Variants in CAPN7 observed in about 807,000 individuals in gnomAD.
CAPN7 encodes the protein calpain 7.
CAPN7 carries 72 observed loss-of-function variants against 115.2 expected under a neutral mutation model. The observed-to-expected ratio is 0.63, with a 90% CI of 0.52 to 0.76. The LOEUF is 0.76. Ranked by LOEUF, CAPN7 falls within the 30% of genes least tolerant of loss-of-function variation. The pLI is 0.00. For missense variants in CAPN7, 905 were observed against 971.5 expected, an observed-to-expected ratio of 0.93 and a Z score of 0.91; for synonymous variants, 344 against 322.3, an observed-to-expected ratio of 1.07 and a Z score of -0.72.
At chr3:15,212,238 C>A in intron 2 of CAPN7, 26 bp downstream of exon 2, 2 of 1,306,114 alleles carry the variant, frequency 1.5e-6, no homozygotes, top group Non-Finnish European at 2.1e-6. Flanking sequence ...CTAAACTTGT[C>A]ACTCTATTTT....
intron 1 of CAPN7, among the ~76,000 whole-genome samples, chr3:15,210,649 C>T (rs990469482): frequency 7.0e-6 from 1 of 143,650 alleles, no homozygotes; most frequent in Admixed American, 7.3e-5. Flanking sequence ...GGCTGGAGTG[C>T]AGTGGCCCGA....
chr3:15,229,665 TC>T (rs1694568256), intron 8 of CAPN7, among the ~76,000 whole-genome samples: 1 of 143,172 alleles, frequency 7.0e-6, no homozygotes, highest in Non-Finnish European at 1.5e-5. Context: ...AACCTCTGCC[TC>T]CTGGGTTCAA....
At chr3:15,207,192 C>T (rs1255623771) in intron 1 of CAPN7, among the ~76,000 whole-genome samples, 1 of 152,170 alleles carries the variant, frequency 6.6e-6, no homozygotes, top group African/African-American at 2.4e-5. Context: ...GGTTACAGGC[C>T]TGCGCAGCGT....
At chr3:15,242,142 C>A in intron 15 of CAPN7, 36 bp from the exon 16 acceptor site, 2 of 1,374,598 alleles carry the variant, frequency 1.5e-6, no homozygotes, top group Non-Finnish European at 2.0e-6. Context: ...ATTTTGAACC[C>A]ATTTTCTAAC....
At chr3:15,243,857 G>C (rs1487285853) in intron 16 of CAPN7, among the ~76,000 whole-genome samples, 1 of 152,150 alleles carries the variant, frequency 6.6e-6, no homozygotes, top group African/African-American at 2.4e-5. Context: ...TAATACGTGG[G>C]TGATGAAATA....
At chr3:15,215,858 G>A (rs564863001) in intron 2 of CAPN7, among the ~76,000 whole-genome samples, 2 of 152,326 alleles carry the variant, frequency 1.3e-5, no homozygotes, top group South Asian at 2.1e-4. Flanking sequence ...GGCCAAGGCA[G>A]ACAGATCACT....
In CAPN7 at chr3:15,229,042, T is replaced by C; in HGVS notation, c.921T>C (p.Asn307=). ...GTGCAGCTTATGAAAGACGTTTTAA[T>C]AAGAAGTTAATTACCGGGTAAAAAT... ...AISAAYERRF[N]KKLITGIIYP... Residue 307 remains asparagine (N), a synonymous_variant, in exon 8 of 21, where the codon AAT becomes AAC. Coordinates refer to ENST00000253693, the MANE Select transcript of CAPN7 (RefSeq NM_014296.3). 1 of 1,612,960 alleles carries C rather than the reference T, an allele frequency of 6.2e-7. No homozygotes were observed. The highest frequency in any genetic ancestry group is 8.5e-7 in the Non-Finnish European group (1 of 1,179,080).
chr3:15,228,665 A>C (rs564222687), intron 7 of CAPN7, among the ~76,000 whole-genome samples: 1 of 152,236 alleles, frequency 6.6e-6, no homozygotes, highest in Non-Finnish European at 1.5e-5. Flanking sequence ...TGATGAGAAC[A>C]GCTTAAAAGA....
At position 15,212,181 on chromosome 3, in the gene CAPN7, T is replaced by C; in HGVS notation, c.180T>C (p.Tyr60=). 1 of 1,608,716 alleles carries C rather than the reference T, an allele frequency of 6.2e-7. No homozygotes were observed. Among genetic ancestry groups the C allele is most frequent in the Non-Finnish European group, 8.5e-7 (1 of 1,176,336 alleles). ...LENIQEKITE[Y]LERVQALHSA... The stretch of plus-strand genomic sequence containing the variant: ...ATATTCAAGAAAAAATAACTGAGTA[T>C]CTGGAAAGAGTTCAAGCTCTACATT... Residue 60 remains tyrosine, a synonymous_variant, in exon 2 of 21, where the codon TAT becomes TAC. Coordinates refer to ENST00000253693, the MANE Select transcript of CAPN7 (RefSeq NM_014296.3).
chr3:15,221,914 A>G (rs934076862), intron 5 of CAPN7, among the ~76,000 whole-genome samples: 2 of 151,946 alleles, frequency 1.3e-5, no homozygotes, highest in African/African-American at 4.8e-5. Flanking sequence ...AGATCACGCC[A>G]CTGCTCTCCA....
intron 6 of CAPN7, 138 bp downstream of exon 6, chr3:15,223,699 A>G: frequency 1.6e-6 from 1 of 606,858 alleles, no homozygotes; most frequent in African/African-American, 1.9e-5. Context: ...GGAAAGGGAT[A>G]GGGCAACATA....
rs759958365 is a variant in CAPN7, at chr3:15,217,444, T to C, written c.231T>C (p.Asp77=). 6.2e-7 allele frequency: 1 copy of C among 1,613,410 alleles called. No homozygotes were observed. Among genetic ancestry groups the C allele is most frequent in the Non-Finnish European group, 8.5e-7 (1 of 1,179,658 alleles). The change falls in exon 3 of 21, where the codon GAT becomes GAC. Residue 77 remains aspartate, a synonymous_variant. Coordinates refer to ENST00000253693, the MANE Select transcript of CAPN7 (RefSeq NM_014296.3). The part of the protein sequence containing the change: ...LHSAVQSKSA[D]PLKSKHQLDL... Reference sequence around the variant, plus strand: ...TCCTAGTTCAGTCAAAGAGTGCTGATCCTTTGAAGTCAAAACATCAGTTGG... The same window carrying C: ...TCCTAGTTCAGTCAAAGAGTGCTGACCCTTTGAAGTCAAAACATCAGTTGG...
chr3:15,246,519 A>G (rs1695667838), intron 17 of CAPN7: 1 of 461,564 alleles, frequency 2.2e-6, no homozygotes, highest in Non-Finnish European at 3.8e-6. Flanking sequence ...AAAAATTGTG[A>G]TTTGTCCTGA....
chr3:15,245,938 A>G (rs1695633414), intron 17 of CAPN7: 1 of 274,068 alleles, frequency 3.6e-6, no homozygotes. Flanking sequence ...CTAATAATAC[A>G]TTTCTTTTTT....
intron 1 of CAPN7, among the ~76,000 whole-genome samples, chr3:15,210,595 C>CTTTTT (rs1286712368): frequency 3.1e-5 from 3 of 98,004 alleles, no homozygotes; most frequent in Non-Finnish European, 5.5e-5. Context: ...TTGCTTCCTT[C>CTTTTT]CTTTTTTTTT....
At position 15,247,474 on chromosome 3, in the gene CAPN7, T is replaced by C; in HGVS notation, c.2204+17T>C. The C allele has an allele frequency of 6.4e-7, 1 of 1,572,896 alleles. No individual in the cohort carries two copies. The highest frequency in any genetic ancestry group is 8.6e-7 in the Non-Finnish European group (1 of 1,164,630). On this transcript the variant is annotated intron_variant, in intron 19 of 20. Coordinates refer to ENST00000253693, the MANE Select transcript of CAPN7 (RefSeq NM_014296.3). ...AGGACCAAGGTTTGTGATGAGTAAC[T>C]TTCTTAAATTAATGATGTTCTATTA...
Position 15,251,816 on chromosome 3 carries a change from T to A in CAPN7, c.*556T>A, listed in dbSNP as rs1174947321. 3 of 152,212 alleles carry A rather than the reference T, an allele frequency of 2.0e-5. No individual in the cohort carries two copies. The highest frequency in any genetic ancestry group is 4.4e-5 in the Non-Finnish European group (3 of 68,052). 9.4% of individuals were successfully genotyped at this position (152,212 alleles called of 1,614,324 possible). A position where few individuals can be genotyped will look rare whatever the true frequency, so the allele number is the denominator to read the frequency against. ...GATTTTAAAATATTTGTTGCCCAGG[T>A]GTTATGAAAGAATAAAGCTTTTAAG... On this transcript the variant is annotated 3_prime_UTR_variant, in exon 21 of 21. Coordinates refer to ENST00000253693, the MANE Select transcript of CAPN7 (RefSeq NM_014296.3).
rs1695697749 is a variant in CAPN7, at chr3:15,246,913, A to C, written c.2073+119A>C. On this transcript the variant is annotated intron_variant, in intron 18 of 20. Coordinates refer to ENST00000253693, the MANE Select transcript of CAPN7 (RefSeq NM_014296.3). ...AAGGCTTCACAGGAATATAAGGGAA[A>C]CGTAAATGGCCTCAATTTGGGTTGG... The C allele has an allele frequency of 2.9e-5, 23 of 787,418 alleles. 1 individual carries two copies. In the South Asian group the frequency reaches 3.8e-4, roughly 13 times the overall value. 48.8% of individuals were successfully genotyped at this position (787,418 alleles called of 1,614,324 possible). A position where few individuals can be genotyped will look rare whatever the true frequency, so the allele number is the denominator to read the frequency against.
Position 15,233,986 on chromosome 3 carries a change from C to G in CAPN7, c.1286+13C>G. ...TGCTTTATCAAAGGTAAACATTTTT[C>G]TTTGTTTTATGTGTGTGGTAAATGT... On this transcript the variant is annotated intron_variant, in intron 11 of 20. Coordinates refer to ENST00000253693, the MANE Select transcript of CAPN7 (RefSeq NM_014296.3). 1 of 1,420,344 alleles carries G rather than the reference C, an allele frequency of 7.0e-7. No individual in the cohort carries two copies. Among genetic ancestry groups the G allele is most frequent in the Non-Finnish European group, 9.9e-7 (1 of 1,008,086 alleles). 88.0% of individuals were successfully genotyped at this position (1,420,344 alleles called of 1,614,324 possible). A position where few individuals can be genotyped will look rare whatever the true frequency, so the allele number is the denominator to read the frequency against.
Sources: gnomAD v4.1 joint callset for allele counts (sites outside exome capture counted in the v4.1 genomes callset) on GRCh38, gnomAD v4.1.1 for gene constraint, MANE v1.5 for transcripts, NCBI Gene and HGNC (gene_info 2026-07-23, HGNC 2026-07-21) for gene names.